The following FSHR variants were observed in gnomAD, a reference collection of about 807,000 sequenced individuals.
FSHR encodes the protein follicle stimulating hormone receptor, also known as follicle-stimulating hormone receptor.
Under a neutral mutation model 52.1 loss-of-function variants are expected in FSHR, and 46 were observed. The observed-to-expected ratio is 0.88, with a 90% CI of 0.70 to 1.13. FSHR has a LOEUF of 1.13. FSHR is among the 50% of genes most tolerant of loss of function. FSHR has a pLI of 0.00. For missense variants in FSHR, 964 were observed against 834.6 expected (o/e 1.16, Z -1.91); for synonymous variants, 399 against 309.6 (o/e 1.29, Z -3.03).
chr2:48,974,742 A>G (rs928697519), intron 8 of FSHR, among the ~76,000 whole-genome samples: 1 of 83,600 alleles, frequency 1.2e-5, no homozygotes, highest in African/African-American at 4.6e-5. Flanking sequence ...AGAAAATTCC[A>G]TAGAAATTTA....
chr2:48,996,293 G>C (rs1676020283), intron 4 of FSHR, among the ~76,000 whole-genome samples: 1 of 152,050 alleles, frequency 6.6e-6, no homozygotes, highest in South Asian at 2.1e-4. Context: ...AGAGTGGGCT[G>C]AGCTTAACTA....
intron 1 of FSHR, among the ~76,000 whole-genome samples, chr2:49,119,056 G>T (rs2103774183): frequency 6.6e-6 from 1 of 152,266 alleles, no homozygotes; most frequent in Non-Finnish European, 1.5e-5. Flanking sequence ...CAGCGTTTGG[G>T]GACCTCCACG....
intron 1 of FSHR, among the ~76,000 whole-genome samples, chr2:49,150,474 C>G (rs961196746): frequency 1.3e-5 from 2 of 152,050 alleles, no homozygotes; most frequent in African/African-American, 4.8e-5. Flanking sequence ...TTATCATCAA[C>G]AACAATAACA....
At chr2:49,146,580 T>C (rs1672879734) in intron 1 of FSHR, among the ~76,000 whole-genome samples, 1 of 152,016 alleles carries the variant, frequency 6.6e-6, no homozygotes. Flanking sequence ...AAGGGAAACA[T>C]GCTCACTCTC....
At chr2:49,073,938 A>G (rs1293618996) in intron 1 of FSHR, among the ~76,000 whole-genome samples, 1 of 152,112 alleles carries the variant, frequency 6.6e-6, no homozygotes, top group African/African-American at 2.4e-5. Flanking sequence ...CTCACTGGGG[A>G]AAGGACAGTC....
At chr2:48,992,657 C>A (rs566476084) in intron 4 of FSHR, among the ~76,000 whole-genome samples, 8 of 151,846 alleles carry the variant, frequency 5.3e-5, no homozygotes, top group Admixed American at 3.3e-4. Flanking sequence ...GCCCAGGGGA[C>A]AATTGGTGGA....
chr2:48,974,361 G>A (rs1406449241), intron 8 of FSHR, among the ~76,000 whole-genome samples: 2 of 152,200 alleles, frequency 1.3e-5, no homozygotes, highest in African/African-American at 2.4e-5. Flanking sequence ...GTTGCTCAGT[G>A]TTCTGGAGCT....
chr2:48,987,553 T>A (rs957285877), intron 6 of FSHR, among the ~76,000 whole-genome samples: 1 of 152,104 alleles, frequency 6.6e-6, no homozygotes, highest in Non-Finnish European at 1.5e-5. Context: ...TTCCTGGTCT[T>A]GATTATTCTG....
intron 2 of FSHR, among the ~76,000 whole-genome samples, chr2:49,046,797 G>A (rs1282180368): frequency 2.0e-5 from 3 of 152,062 alleles, no homozygotes; most frequent in Non-Finnish European, 4.4e-5. Context: ...AGTTGGCTTG[G>A]TCTCTCTTAT....
chr2:48,973,674 T>G (rs2284674), intron 8 of FSHR, among the ~76,000 whole-genome samples: 124,862 of 152,204 alleles, frequency 0.82, 51,667 homozygotes, highest in African/African-American at 0.93. Context: ...CTTGAAGGTA[T>G]AAGGCTCTCG....
intron 1 of FSHR, among the ~76,000 whole-genome samples, chr2:49,153,826 A>C (rs1178638264): frequency 6.6e-6 from 1 of 152,050 alleles, no homozygotes; most frequent in Non-Finnish European, 1.5e-5. Flanking sequence ...AAAACGACAA[A>C]GACTATGGCC....
chr2:49,110,613 T>G (rs1436308270), intron 1 of FSHR, among the ~76,000 whole-genome samples: 2 of 152,192 alleles, frequency 1.3e-5, no homozygotes, highest in Non-Finnish European at 2.9e-5. Flanking sequence ...CTATTTCTTC[T>G]GTTTCCCTGT....
At chr2:49,038,628 ATAATAATAATAAT>A (rs1558404926) in intron 2 of FSHR, among the ~76,000 whole-genome samples, 2 of 111,852 alleles carry the variant, frequency 1.8e-5, no homozygotes, top group African/African-American at 3.5e-5. Context: ...CTGTCTCAAA[ATAATAATAATAAT>A]AATAATAATA....
At chr2:49,014,586 C>T (rs1309130291) in intron 4 of FSHR, 5 of 233,190 alleles carry the variant, frequency 2.1e-5, no homozygotes, top group Non-Finnish European at 4.2e-5. Context: ...CCAAGGGGGT[C>T]CTCATTCATA....
intron 1 of FSHR, among the ~76,000 whole-genome samples, chr2:49,085,792 G>T (rs1002356552): frequency 8.6e-5 from 13 of 151,978 alleles, no homozygotes; most frequent in Non-Finnish European, 1.3e-4. Flanking sequence ...CCATAAAAAA[G>T]GATGAGTTCA....
At chr2:49,017,407 C>T (rs1667525554) in intron 4 of FSHR, 82 bp downstream of exon 4, 2 of 1,042,756 alleles carry the variant, frequency 1.9e-6, no homozygotes, top group African/African-American at 1.6e-5. Context: ...AATTGCTCCC[C>T]AGAGTATCAA....
At chr2:49,112,133 T>A (rs1295381611) in intron 1 of FSHR, among the ~76,000 whole-genome samples, 1 of 152,164 alleles carries the variant, frequency 6.6e-6, no homozygotes, top group African/African-American at 2.4e-5. Flanking sequence ...TTCCTTTAAT[T>A]GGAGTCCTAA....
In FSHR at chr2:49,154,458, G is replaced by A; in HGVS notation, c.-41C>T. On this transcript the variant is annotated 5_prime_UTR_variant, in exon 1 of 10. Coordinates refer to ENST00000406846, the MANE Select transcript of FSHR (RefSeq NM_000145.4). ...CACCTGATTTCTTCCTGCATTTGCA[G>A]AGAAAAACCTCCACAGATCTCAGAA... 6.2e-7 allele frequency: 1 copy of A among 1,604,574 alleles called. No individual in the cohort carries two copies. Among genetic ancestry groups the A allele is most frequent in the Non-Finnish European group, 8.5e-7 (1 of 1,173,962 alleles).
intron 6 of FSHR, among the ~76,000 whole-genome samples, chr2:48,984,946 A>C: frequency 6.6e-6 from 1 of 152,240 alleles, no homozygotes; most frequent in African/African-American, 2.4e-5. Context: ...TCTTGATATC[A>C]GCAGTGGATC....
Sources: gnomAD v4.1 joint callset for allele counts (sites outside exome capture counted in the v4.1 genomes callset) on GRCh38, gnomAD v4.1.1 for gene constraint, MANE v1.5 for transcripts, NCBI Gene and HGNC (gene_info 2026-07-23, HGNC 2026-07-21) for gene names.